AP1M2: variants seen among roughly 807,000 people sequenced by gnomAD.
AP1M2 encodes the protein AP-1 complex subunit mu-2.
Under a neutral mutation model 54.6 loss-of-function variants are expected in AP1M2, and 41 were observed. The ratio of observed to expected loss-of-function variants is 0.75; its 90% CI spans 0.59 to 0.97. The LOEUF is 0.97. Among genes scored for constraint, AP1M2 ranks in the 50% least tolerant of loss-of-function variants. AP1M2 has a pLI of 0.00. For missense variants in AP1M2, 507 were observed against 561.2 expected, an observed-to-expected ratio of 0.90 and a Z score of 0.98; for synonymous variants, 219 against 215.9, an observed-to-expected ratio of 1.01 and a Z score of -0.13.
At chr19:10,577,689 C>A (rs1917289921) in intron 8 of AP1M2, among the ~76,000 whole-genome samples, 1 of 149,868 alleles carries the variant, frequency 6.7e-6, no homozygotes, top group Non-Finnish European at 1.5e-5. Flanking sequence ...CCCACCCCGG[C>A]CTCTCAAAGT....
rs1162079650 is a variant in AP1M2 at position 10,581,749 on chromosome 19, C to T, written c.397G>A (p.Glu133Lys). 1.9e-6 allele frequency: 3 copies of T among 1,613,364 alleles called. No individual in the cohort carries two copies. The highest frequency in any genetic ancestry group is 2.5e-6 in the Non-Finnish European group (3 of 1,179,808). The stretch of plus-strand genomic sequence containing the variant: ...GGCTGCCTCCAGGGGTCCACTCACT[C>T]CTGCAGGATCTTGCTGTCGGTGGTC... ...PQTTDSKILQ[E>K]YITQQSNKLE... The change falls in exon 4 of 12, where the codon GAG becomes AAG. Residue 133 changes from glutamate to lysine, a missense_variant and splice_region_variant. By Grantham distance (56) the Glu-to-Lys change is moderately conservative (BLOSUM62 1). Transcript: ENST00000250244.
chr19:10,577,081 T>G, intron 9 of AP1M2, 117 bp downstream of exon 9: 1 of 1,205,848 alleles, frequency 8.3e-7, no homozygotes, highest in Non-Finnish European at 1.2e-6. Flanking sequence ...TCATGAGCCA[T>G]CACACCTGAC....
intron 8 of AP1M2, 82 bp from the exon 9 acceptor site, chr19:10,577,438 T>C: frequency 3.1e-6 from 4 of 1,296,098 alleles, no homozygotes; most frequent in Non-Finnish European, 4.0e-6. Flanking sequence ...TTTTTTTTTT[T>C]TTTTTTTTTT....
intron 2 of AP1M2, 66 bp downstream of exon 2, chr19:10,583,848 C>T (rs893442841): frequency 1.3e-6 from 2 of 1,537,312 alleles, no homozygotes; most frequent in Non-Finnish European, 1.8e-6. Context: ...CCTCTCTTGG[C>T]CTGAGCTGCC....
intron 8 of AP1M2, among the ~76,000 whole-genome samples, 168 bp from the exon 9 acceptor site, chr19:10,577,524 C>T (rs1599548639): frequency 6.9e-6 from 1 of 144,054 alleles, no homozygotes; most frequent in Non-Finnish European, 1.5e-5. Flanking sequence ...AGCTCCGCCT[C>T]CCAGGTTCAC....
At chr19:10,583,487 G>C (rs540262671) in intron 3 of AP1M2, 119 bp downstream of exon 3, 1 of 690,160 alleles carries the variant, frequency 1.4e-6, no homozygotes, top group South Asian at 2.6e-5. Context: ...AAAAAAAAAA[G>C]GGAAGACCCA....
chr19:10,579,779 G>A lies in AP1M2; in HGVS notation c.753C>T (p.Arg251=), dbSNP rs1281969203. The A allele has an allele frequency of 6.2e-7, 1 of 1,613,942 alleles. No homozygotes were observed. The change falls in exon 7 of 12, where the codon CGC becomes CGT. Residue 251 remains arginine, a synonymous_variant. Transcript: ENST00000250244. ...CVRLSRFDND[R]TISFIPPDGD... ...CATCAGGCGGGATGAAGGAGATGGTGCGGTCGTTGTCAAAGCGAGAGAGCC... is the reference window on the plus strand; with the variant it reads ...CATCAGGCGGGATGAAGGAGATGGTACGGTCGTTGTCAAAGCGAGAGAGCC...
At chr19:10,575,157 G>T in intron 9 of AP1M2, 128 bp from the exon 10 acceptor site, 1 of 1,094,282 alleles carries the variant, frequency 9.1e-7, no homozygotes, top group South Asian at 2.6e-5. Flanking sequence ...AGGCTCCTTA[G>T]CCTGGGCAAC....
rs368022641 is a variant in AP1M2, at chr19:10,575,043, G to T, written c.1048-14C>A. On this transcript the variant is annotated splice_polypyrimidine_tract_variant and intron_variant, in intron 9 of 11. Transcript: ENST00000250244. ...CTCCTTGCCCCCCTGAGGGAACATG[G>T]GGGCATCAGGTACACGAGGGTCCGC... is the stretch of plus-strand genomic sequence containing the variant. 6.7e-7 allele frequency: 1 copy of T among 1,483,090 alleles called. No individual in the cohort carries two copies. 91.9% of individuals were successfully genotyped at this position (1,483,090 alleles called of 1,614,324 possible). A position where few individuals can be genotyped will look rare whatever the true frequency, so the allele number is the denominator to read the frequency against.
chr19:10,573,134 G>T (rs200197425), intron 11 of AP1M2, 46 bp from the exon 12 acceptor site: 1 of 1,533,604 alleles, frequency 6.5e-7, no homozygotes, highest in Non-Finnish European at 8.9e-7. Context: ...ATGGGGAGAG[G>T]GGGGCCGGGC....
At position 10,581,275 on chromosome 19, in the gene AP1M2, G is replaced by A. The variant is rs1434942706; in HGVS notation, c.664C>T (p.Leu222Phe). Residue 222 changes from leucine (L) to phenylalanine (F), a missense_variant, in exon 6 of 12, where the codon CTC becomes TTC. Coordinates refer to ENST00000250244, the MANE Select transcript of AP1M2 (RefSeq NM_005498.5). ...LGLNDRVLFELTGRSKNKSVE... is the reference protein window; with the variant it reads ...LGLNDRVLFEFTGRSKNKSVE... ...TCCCCTAAATGCTTACGGCCAGTGAGCTCGAAGAGCACGCGGTCATTGAGG... is the reference window on the plus strand; with the variant it reads ...TCCCCTAAATGCTTACGGCCAGTGAACTCGAAGAGCACGCGGTCATTGAGG... The A allele has an allele frequency of 1.9e-6, 3 of 1,613,148 alleles. No homozygotes were observed. The highest frequency in any genetic ancestry group is 2.5e-6 in the Non-Finnish European group (3 of 1,179,428).
intron 1 of AP1M2, among the ~76,000 whole-genome samples, chr19:10,584,376 C>T (rs1468180922): frequency 2.0e-5 from 3 of 152,098 alleles, no homozygotes; most frequent in Non-Finnish European, 4.4e-5. Flanking sequence ...GTCAAGAGAT[C>T]GAGACCATCC....
intron 1 of AP1M2, among the ~76,000 whole-genome samples, chr19:10,586,980 T>C (rs945811220): frequency 2.0e-5 from 3 of 152,174 alleles, no homozygotes; most frequent in Non-Finnish European, 1.5e-5. Flanking sequence ...GTTGCTCCCA[T>C]TTTTACATAC....
rs559652596 is a variant in AP1M2 at position 10,574,577 on chromosome 19, G to A, written c.1174-85C>T. On this transcript the variant is annotated intron_variant, in intron 10 of 11. Coordinates refer to ENST00000250244, the MANE Select transcript of AP1M2 (RefSeq NM_005498.5). The stretch of plus-strand genomic sequence containing the variant: ...GAGAAAGAGACGGCTTAGGCCAAGC[G>A]GCTATGTGGCACAGGCTGGGATCGA... 73 of 1,191,180 alleles carry A rather than the reference G, an allele frequency of 6.1e-5. No individual in the cohort carries two copies. In the African/African-American group the frequency reaches 8.0e-4, roughly 13 times the overall value. The allele number at this position is 1,191,180 out of a possible 1,614,324, so 73.8% of individuals were successfully genotyped here.
At chr19:10,577,824 C>T (rs1375407600) in intron 8 of AP1M2, among the ~76,000 whole-genome samples, 1 of 151,468 alleles carries the variant, frequency 6.6e-6, no homozygotes, top group Non-Finnish European at 1.5e-5. Flanking sequence ...GCAACCTCCG[C>T]CTCCTGGGTT....
At chr19:10,586,582 A>G (rs894156093) in intron 1 of AP1M2, among the ~76,000 whole-genome samples, 3 of 151,936 alleles carry the variant, frequency 2.0e-5, no homozygotes, top group Non-Finnish European at 2.9e-5. Flanking sequence ...AATGTCAAGA[A>G]TTAGCCAGGC....
At chr19:10,583,560 G>A (rs1250697107) in intron 3 of AP1M2, 46 bp downstream of exon 3, 1 of 1,433,084 alleles carries the variant, frequency 7.0e-7, no homozygotes, top group Admixed American at 1.8e-5. Flanking sequence ...GCGGGCAAGA[G>A]GGATAGACGG....
At chr19:10,584,525 A>G (rs1202185634) in intron 1 of AP1M2, among the ~76,000 whole-genome samples, 3 of 152,002 alleles carry the variant, frequency 2.0e-5, no homozygotes, top group Admixed American at 6.6e-5. Context: ...GATTGCAGTG[A>G]GCCGAGATCG....
At chr19:10,574,631 A>G in intron 10 of AP1M2, 139 bp from the exon 11 acceptor site, 1 of 794,798 alleles carries the variant, frequency 1.3e-6, no homozygotes, top group Non-Finnish European at 2.0e-6. Context: ...TCTTAGGGGG[A>G]TGAGGTGGCA....
Sources: gnomAD v4.1 joint callset for allele counts (sites outside exome capture counted in the v4.1 genomes callset) on GRCh38, gnomAD v4.1.1 for gene constraint, MANE v1.5 for transcripts, NCBI Gene and HGNC (gene_info 2026-07-23, HGNC 2026-07-21) for gene names.